Variants in DCTN3 observed in about 807,000 individuals in gnomAD.
DCTN3 encodes dynactin subunit 3, also known as dynactin 3 (p22).
Under a neutral mutation model 28.4 loss-of-function variants are expected in DCTN3, and 25 were observed. That is an observed-to-expected ratio of 0.88 (90% CI 0.64 to 1.23). The LOEUF (loss-of-function observed/expected upper bound fraction) is 1.23, where lower values mean the gene tolerates loss of function less well. Ranked by LOEUF, DCTN3 falls within the 50% of genes most tolerant of loss-of-function variation. DCTN3 has a pLI of 0.00. For synonymous variants in DCTN3, 81 were observed against 91.4 expected, an observed-to-expected ratio of 0.89 and a Z score of 0.65; for missense variants, 229 against 232.0, an observed-to-expected ratio of 0.99 and a Z score of 0.08.
At chr9:34,618,301 C>A (rs1028623813) in intron 2 of DCTN3, among the ~76,000 whole-genome samples, 3 of 152,090 alleles carry the variant, frequency 2.0e-5, no homozygotes, top group African/African-American at 7.2e-5. Flanking sequence ...CAAGCCAGAG[C>A]TTTGTCTAAT....
At chr9:34,618,138 C>T (rs1820466581) in intron 2 of DCTN3, among the ~76,000 whole-genome samples, 167 bp from the exon 3 acceptor site, 1 of 152,140 alleles carries the variant, frequency 6.6e-6, no homozygotes, top group African/African-American at 2.4e-5. Context: ...CCCCACTTCC[C>T]TATCTCTCCA....
rs953592203 is a variant in DCTN3, at chr9:34,620,267, G to A, written c.96+102C>T. ...CCGGACCTTTGTTATTTCAAAGGCC[G>A]GGCTGCGGAGAACAGGACTGGAGCG... On this transcript the variant is annotated intron_variant, in intron 1 of 6. Coordinates refer to ENST00000259632, the MANE Select transcript of DCTN3 (RefSeq NM_007234.5). The A allele has an allele frequency of 2.8e-5, 28 of 1,013,860 alleles. No homozygotes were observed. In the African/African-American group the frequency reaches 4.0e-4, roughly 14 times the overall value. The allele number at this position is 1,013,860 out of a possible 1,614,324, so 62.8% of individuals were successfully genotyped here.
chr9:34,618,016 G>C (rs139780416), intron 2 of DCTN3, 45 bp from the exon 3 acceptor site: 1 of 1,583,710 alleles, frequency 6.3e-7, no homozygotes, highest in African/African-American at 1.3e-5. Context: ...TTGGGCAGTA[G>C]AGCTCTGCCT....
chr9:34,618,798 C>T, intron 1 of DCTN3, 38 bp from the exon 2 acceptor site: 2 of 1,528,854 alleles, frequency 1.3e-6, no homozygotes, highest in Non-Finnish European at 1.8e-6. Flanking sequence ...AGATATACTA[C>T]CTGGCTCAAG....
intron 1 of DCTN3, among the ~76,000 whole-genome samples, chr9:34,619,434 A>C (rs564208132): frequency 6.6e-6 from 1 of 152,290 alleles, no homozygotes; most frequent in African/African-American, 2.4e-5. Context: ...GAGCCTACCT[A>C]AAGTTTAGGG....
chr9:34,618,016 G>A (rs139780416), intron 2 of DCTN3, 45 bp from the exon 3 acceptor site: 8 of 1,583,710 alleles, frequency 5.1e-6, no homozygotes, highest in East Asian at 2.2e-5. Flanking sequence ...TTGGGCAGTA[G>A]AGCTCTGCCT....
In DCTN3 at chr9:34,615,909, A is replaced by AAG. The variant is rs1820415688; in HGVS notation, c.352+120_352+121insCT. The AAG allele has an allele frequency of 1.4e-5, 10 of 733,614 alleles. No homozygotes were observed. The East Asian group carries it at 2.8e-4, about 21-fold the overall frequency. 45.4% of individuals were successfully genotyped at this position (733,614 alleles called of 1,614,324 possible). A position where few individuals can be genotyped will look rare whatever the true frequency, so the allele number is the denominator to read the frequency against. ...GAGTACGACTCTGTCCAAAAAAAAAAAAAAAAGATAAGGAACAGACCCAAC... is the reference window on the plus strand; with the variant it reads ...GAGTACGACTCTGTCCAAAAAAAAAAAGAAAAAAGATAAGGAACAGACCCAAC... On this transcript the variant is annotated intron_variant, in intron 4 of 6. Coordinates refer to ENST00000259632, the MANE Select transcript of DCTN3 (RefSeq NM_007234.5).
chr9:34,614,789 T>G, intron 4 of DCTN3, 21 bp from the exon 5 acceptor site: 1 of 1,613,642 alleles, frequency 6.2e-7, no homozygotes. Context: ...CAACACACAC[T>G]GCTGGATGAT....
At chr9:34,615,793 C>A (rs1820411796) in intron 4 of DCTN3, 2 of 368,314 alleles carry the variant, frequency 5.4e-6, no homozygotes, top group African/African-American at 2.1e-5. Context: ...ATCCTAGCTA[C>A]TTGGGAGGCA....
chr9:34,617,076 G>A (rs1772900792), intron 3 of DCTN3, among the ~76,000 whole-genome samples: 1 of 152,186 alleles, frequency 6.6e-6, no homozygotes, highest in Admixed American at 6.5e-5. Flanking sequence ...AGTCAGTGCA[G>A]GAGAATATCT....
rs577997212 is a variant in DCTN3 at position 34,619,474 on chromosome 9, G to A, written c.97-714C>T. Reference sequence around the variant, plus strand: ...AATGTAAAGAATCCCAATATTAAAGGGTCAAATAGAGGAGGAGACTAAGGA... The same window carrying A: ...AATGTAAAGAATCCCAATATTAAAGAGTCAAATAGAGGAGGAGACTAAGGA... On this transcript the variant is annotated intron_variant, in intron 1 of 6. Transcript: ENST00000259632. Among the ~76,000 whole-genome samples the A allele has an allele frequency of 3.3e-4, 50 of 152,220 alleles. No homozygotes were observed. In the South Asian group the frequency reaches 1.0e-2, roughly 30 times the overall value.
intron 5 of DCTN3, 128 bp downstream of exon 5, chr9:34,614,582 G>T (rs1318476099): frequency 9.1e-7 from 1 of 1,094,886 alleles, no homozygotes; most frequent in Non-Finnish European, 1.4e-6. Context: ...GCAAGATAAA[G>T]GATAAACCCC....
At chr9:34,619,913 C>T (rs1402498100) in intron 1 of DCTN3, among the ~76,000 whole-genome samples, 1 of 152,202 alleles carries the variant, frequency 6.6e-6, no homozygotes, top group Non-Finnish European at 1.5e-5. Context: ...TAATCCTGGT[C>T]CTTTCAGACC....
intron 1 of DCTN3, 60 bp downstream of exon 1, chr9:34,620,309 C>G: frequency 6.7e-7 from 1 of 1,493,818 alleles, no homozygotes; most frequent in South Asian, 1.1e-5. Flanking sequence ...TCCCGAGGGC[C>G]AGGACAGTGG....
At chr9:34,614,234 A>G in intron 5 of DCTN3, 133 bp from the exon 6 acceptor site, 1 of 1,575,632 alleles carries the variant, frequency 6.3e-7, no homozygotes, top group Non-Finnish European at 8.6e-7. Context: ...AAGCCAAAGG[A>G]GCAAATGGCT....
In DCTN3 at chr9:34,618,759, A is replaced by G. The variant is rs1193410332; in HGVS notation, c.98T>C (p.Val33Ala). 3 of 1,613,792 alleles carry G rather than the reference A, an allele frequency of 1.9e-6. No homozygotes were observed. Among genetic ancestry groups the G allele is most frequent in the South Asian group, 1.1e-5 (1 of 91,078 alleles). ...GPGGARGSRK[V>A]ADGLVKVQVA... ...CTGCACCTTGACCAGGCCGTCAGCC[A>G]CCTGTAAGGGAAGTGGTGGTTAATT... Residue 33 changes from valine (V) to alanine (A), a missense_variant and splice_region_variant, in exon 2 of 7, where the codon GTG becomes GCG. Val to Ala is a moderately conservative substitution (Grantham distance 64). Transcript: ENST00000259632.
At chr9:34,614,806 G>A (rs1203053269) in intron 4 of DCTN3, 38 bp from the exon 5 acceptor site, 2 of 1,612,494 alleles carry the variant, frequency 1.2e-6, no homozygotes, top group Non-Finnish European at 8.5e-7. Context: ...TGATGCTTGT[G>A]CCCTCCCCCG....
At chr9:34,618,962 G>A (rs533885945) in intron 1 of DCTN3, among the ~76,000 whole-genome samples, 37 of 152,312 alleles carry the variant, frequency 2.4e-4, no homozygotes, top group Non-Finnish European at 4.7e-4. Context: ...ACTCCTTGGG[G>A]AGTTTCAAGT....
intron 2 of DCTN3, 41 bp downstream of exon 2, chr9:34,618,635 G>A (rs1459330357): frequency 2.0e-6 from 3 of 1,508,974 alleles, no homozygotes; most frequent in Non-Finnish European, 2.8e-6. Context: ...AAGCTGAGGG[G>A]TGGGATGTCG....
Sources: allele counts gnomAD v4.1 joint callset (sites outside exome capture counted in the v4.1 genomes callset), GRCh38; gene constraint gnomAD v4.1.1; transcripts MANE v1.5; gene names NCBI Gene and HGNC (gene_info 2026-07-23, HGNC 2026-07-21).